ZKSCAN1: variants seen among roughly 807,000 people sequenced by gnomAD.
The protein encoded by ZKSCAN1 is zinc finger with KRAB and SCAN domains 1.
Under a neutral mutation model 51.6 loss-of-function variants are expected in ZKSCAN1, and 14 were observed. The observed-to-expected ratio is 0.27, with a 90% CI of 0.18 to 0.42. ZKSCAN1 has a LOEUF of 0.42. Among genes scored for constraint, ZKSCAN1 ranks in the 10% least tolerant of loss-of-function variants. The pLI, the probability that ZKSCAN1 is intolerant of heterozygous loss-of-function variation, is 1.00. For synonymous variants in ZKSCAN1, 263 were observed against 261.5 expected (o/e 1.01, Z -0.06); for missense variants, 531 against 710.0 (o/e 0.75, Z 2.86).
In ZKSCAN1 at chr7:100,036,860, A is replaced by G; in HGVS notation, c.*2663A>G. On this transcript the variant is annotated 3_prime_UTR_variant, in exon 6 of 6. Coordinates refer to ENST00000324306, the MANE Select transcript of ZKSCAN1 (RefSeq NM_003439.4). ...TTTTTTTTTTCTTTCAGCCACAACT[A>G]TATGCTGATATAACTCAGCCATCAC... The G allele has an allele frequency of 1.0e-6, 1 of 983,676 alleles. No individual in the cohort carries two copies. The highest frequency in any genetic ancestry group is 1.2e-6 in the Non-Finnish European group (1 of 829,704). 60.9% of individuals were successfully genotyped at this position (983,676 alleles called of 1,614,324 possible).
chr7:100,021,472 T>C (rs1428696458), intron 1 of ZKSCAN1, among the ~76,000 whole-genome samples: 1 of 152,146 alleles, frequency 6.6e-6, no homozygotes, highest in Non-Finnish European at 1.5e-5. Context: ...TCCTGGATAC[T>C]TGACATCATT....
Position 100,034,003 on chromosome 7 carries a change from C to G in ZKSCAN1, c.1498C>G (p.Arg500Gly). The change falls in exon 6 of 6, where the codon CGA becomes GGA. Residue 500 changes from arginine (R) to glycine (G), a missense_variant. Arg to Gly is a moderately radical substitution (Grantham distance 125). Around this residue, in one of 2 missense-constraint regions of ZKSCAN1, gnomAD observed 128 missense variants for 219.5 expected, o/e 0.58. Coordinates refer to ENST00000324306, the MANE Select transcript of ZKSCAN1 (RefSeq NM_003439.4). ...ECSECGKAFNRNSYLILHRRI... is the reference protein window; with the variant it reads ...ECSECGKAFNGNSYLILHRRI... Reference sequence around the variant, plus strand: ...TAGTGAATGTGGAAAAGCTTTCAACCGAAACTCATACCTGATTTTGCATCG... The same window carrying G: ...TAGTGAATGTGGAAAAGCTTTCAACGGAAACTCATACCTGATTTTGCATCG... The G allele has an allele frequency of 6.2e-7, 1 of 1,614,142 alleles. No homozygotes were observed. Among genetic ancestry groups the G allele is most frequent in the Non-Finnish European group, 8.5e-7 (1 of 1,180,026 alleles).
At position 100,034,354 on chromosome 7, in the gene ZKSCAN1, T is replaced by TTATG. The variant is rs1314133753; in HGVS notation, c.*160_*163dup. On this transcript the variant is annotated 3_prime_UTR_variant, in exon 6 of 6. Coordinates refer to ENST00000324306, the MANE Select transcript of ZKSCAN1 (RefSeq NM_003439.4). Reference sequence around the variant, plus strand: ...TAGTCACATCAGCAGTGTTCTGCCTTTATGTAGTAGTTGGGCATATAATCC... The same window carrying TTATG: ...TAGTCACATCAGCAGTGTTCTGCCTTTATGTATGTAGTAGTTGGGCATATAATCC... 2.2e-6 allele frequency: 3 copies of TTATG among 1,394,198 alleles called. No homozygotes were observed. Among genetic ancestry groups the TTATG allele is most frequent in the Non-Finnish European group, 2.8e-6 (3 of 1,082,880 alleles). The allele number at this position is 1,394,198 out of a possible 1,614,324, so 86.4% of individuals were successfully genotyped here.
rs912224847 is a variant in ZKSCAN1 at position 100,038,143 on chromosome 7, C to T, written c.*3946C>T. The T allele has an allele frequency of 8.1e-6, 8 of 985,172 alleles. No individual in the cohort carries two copies. Among genetic ancestry groups the T allele is most frequent in the African/African-American group, 1.7e-5 (1 of 57,184 alleles). 61.0% of individuals were successfully genotyped at this position (985,172 alleles called of 1,614,324 possible). A position where few individuals can be genotyped will look rare whatever the true frequency, so the allele number is the denominator to read the frequency against. On this transcript the variant is annotated 3_prime_UTR_variant, in exon 6 of 6. Transcript: ENST00000324306. ...TGCAACTTCTTACAAAAATTGTTAA[C>T]GTTAGGTACTTCTATATATTTTATA... is the stretch of plus-strand genomic sequence containing the variant.
chr7:100,021,023 T>G (rs944344657), intron 1 of ZKSCAN1, among the ~76,000 whole-genome samples: 1 of 152,176 alleles, frequency 6.6e-6, no homozygotes, highest in Non-Finnish European at 1.5e-5. Context: ...CATTTTATAT[T>G]TTTAACAAAT....
In ZKSCAN1 at chr7:100,040,330, A is replaced by G. The variant is rs777132056; in HGVS notation, c.*6133A>G. On this transcript the variant is annotated 3_prime_UTR_variant, in exon 6 of 6. Coordinates refer to ENST00000324306, the MANE Select transcript of ZKSCAN1 (RefSeq NM_003439.4). ...AGACTTCTAAATCATGGTCTCTGACAATTTGAATCTGAGATTCTCACCTCC... is the reference window on the plus strand; with the variant it reads ...AGACTTCTAAATCATGGTCTCTGACGATTTGAATCTGAGATTCTCACCTCC... 1.2e-3 allele frequency: 1,229 copies of G among 985,350 alleles called. No homozygotes were observed. The highest frequency in any genetic ancestry group is 1.4e-3 in the Non-Finnish European group (1,187 of 829,958). The allele number at this position is 985,350 out of a possible 1,614,324, so 61.0% of individuals were successfully genotyped here.
At position 100,034,143 on chromosome 7, in the gene ZKSCAN1, G is replaced by A. The variant is rs1462124218; in HGVS notation, c.1638G>A (p.Glu546=). ...HRIHARERAS[E]YSPASLDAFG... ...TCCATGCCAGAGAGAGAGCCTCTGAGTACAGCCCAGCCTCCCTTGATGCAT... is the reference window on the plus strand; with the variant it reads ...TCCATGCCAGAGAGAGAGCCTCTGAATACAGCCCAGCCTCCCTTGATGCAT... The change falls in exon 6 of 6, where the codon GAG becomes GAA. Residue 546 remains glutamate, a synonymous_variant. Transcript: ENST00000324306. The A allele has an allele frequency of 6.4e-7, 1 of 1,571,660 alleles. No individual in the cohort carries two copies. The highest frequency in any genetic ancestry group is 1.2e-5 in the South Asian group (1 of 85,450).
In ZKSCAN1 at chr7:100,034,838, G is replaced by C. The variant is rs1455168964; in HGVS notation, c.*641G>C. ...CACCAGTCTACAGTTCCAAAGGACT[G>C]CAACAAATGTAGATGGTTCTGTCCT... On this transcript the variant is annotated 3_prime_UTR_variant, in exon 6 of 6. Transcript: ENST00000324306. 1 of 153,050 alleles carries C rather than the reference G, an allele frequency of 6.5e-6. No individual in the cohort carries two copies. Among genetic ancestry groups the C allele is most frequent in the African/African-American group, 2.4e-5 (1 of 41,438 alleles). The allele number at this position is 153,050 out of a possible 1,614,324, so 9.5% of individuals were successfully genotyped here. A position where few individuals can be genotyped will look rare whatever the true frequency, so the allele number is the denominator to read the frequency against.
chr7:100,042,737 C>CGTGTGTGTGTGTGTGTGTGT (rs34820993), downstream of ZKSCAN1, among the ~76,000 whole-genome samples: 1 of 144,692 alleles, frequency 6.9e-6, no homozygotes, highest in African/African-American at 2.6e-5. Flanking sequence ...TATAGATACA[C>CGTGTGTGTGTGTGTGTGTGT]GTGTGTGTGT....
chr7:100,020,850 T>G (rs1207433017), intron 1 of ZKSCAN1, among the ~76,000 whole-genome samples: 6 of 152,320 alleles, frequency 3.9e-5, no homozygotes, highest in Middle Eastern at 3.4e-3. Flanking sequence ...TTTTGATGGC[T>G]GTAGAGGTGA....
In ZKSCAN1 at chr7:100,024,436, A is replaced by T. The variant is rs1790729343; in HGVS notation, c.580+129A>T. ...TAGCGAGACCCCATCTCTACAAAAA[A>T]TAGAAAAATTAGCCAGGTATAGTGG... On this transcript the variant is annotated intron_variant, in intron 3 of 5. Coordinates refer to ENST00000324306, the MANE Select transcript of ZKSCAN1 (RefSeq NM_003439.4). 3 of 1,246,584 alleles carry T rather than the reference A, an allele frequency of 2.4e-6. No homozygotes were observed. In the Admixed American group the frequency reaches 8.2e-5, roughly 34 times the overall value. The allele number at this position is 1,246,584 out of a possible 1,614,324, so 77.2% of individuals were successfully genotyped here.
Position 100,041,365 on chromosome 7 carries a change from C to T in ZKSCAN1, c.*7168C>T. ...TGTGTTCATTTAAAATCCTCCTTAA[C>T]ATTTCTAGAAAGACTTCTTTCAATA... On this transcript the variant is annotated 3_prime_UTR_variant, in exon 6 of 6. Coordinates refer to ENST00000324306, the MANE Select transcript of ZKSCAN1 (RefSeq NM_003439.4). 2 of 984,964 alleles carry T rather than the reference C, an allele frequency of 2.0e-6. No homozygotes were observed. Among genetic ancestry groups the T allele is most frequent in the Non-Finnish European group, 1.2e-6 (1 of 829,626 alleles). The allele number at this position is 984,964 out of a possible 1,614,324, so 61.0% of individuals were successfully genotyped here. A position where few individuals can be genotyped will look rare whatever the true frequency, so the allele number is the denominator to read the frequency against.
In ZKSCAN1 at chr7:100,039,185, G is replaced by A. The variant is rs1354057338; in HGVS notation, c.*4988G>A. The stretch of plus-strand genomic sequence containing the variant: ...AAATTAGCCGGGCGTGGTGGTGGGC[G>A]CCTGTAGTCCCAGCTACTCAGGAGG... On this transcript the variant is annotated 3_prime_UTR_variant, in exon 6 of 6. Coordinates refer to ENST00000324306, the MANE Select transcript of ZKSCAN1 (RefSeq NM_003439.4). 6.3e-5 allele frequency: 21 copies of A among 334,968 alleles called. No individual in the cohort carries two copies. The highest frequency in any genetic ancestry group is 8.9e-5 in the Non-Finnish European group (21 of 236,628). The allele number at this position is 334,968 out of a possible 1,614,324, so 20.7% of individuals were successfully genotyped here.
intron 3 of ZKSCAN1, among the ~76,000 whole-genome samples, chr7:100,025,424 C>T (rs780396164): frequency 5.3e-5 from 8 of 150,732 alleles, no homozygotes; most frequent in Admixed American, 1.3e-4. Context: ...TTGAGGAACA[C>T]GAAAAAAGAT....
At chr7:100,024,608 A>G (rs1319793482) in intron 3 of ZKSCAN1, 1 of 300,262 alleles carries the variant, frequency 3.3e-6, no homozygotes, top group African/African-American at 2.2e-5. Context: ...CTACTTACAG[A>G]AAAGAATTAG....
Position 100,033,242 on chromosome 7 carries a change from C to T in ZKSCAN1, c.800-63C>T, listed in dbSNP as rs1417012854. On this transcript the variant is annotated intron_variant, in intron 5 of 5. Transcript: ENST00000324306. This position sits in a 1 kb window ranked among gnomAD's most constrained non-coding sequence, Gnocchi z 4.1. The stretch of plus-strand genomic sequence containing the variant: ...GTAGAAGCTTCTCGGGAAACTGTCG[C>T]TTGACCCACCTGTATATTCAAAAGA... The T allele has an allele frequency of 2.0e-6, 3 of 1,499,856 alleles. 1 individual carries two copies. The African/African-American group carries it at 4.2e-5, about 21-fold the overall frequency. The allele number at this position is 1,499,856 out of a possible 1,614,324, so 92.9% of individuals were successfully genotyped here.
chr7:100,040,479 A>G lies in ZKSCAN1; in HGVS notation c.*6282A>G, dbSNP rs1791547923. On this transcript the variant is annotated 3_prime_UTR_variant, in exon 6 of 6. Transcript: ENST00000324306. ...AAGGAGTGAGGCTGAGTATTTTAAG[A>G]TAGAGTGAGATCTGTGAGTGATTGA... 1 of 985,348 alleles carries G rather than the reference A, an allele frequency of 1.0e-6. No individual in the cohort carries two copies. Among genetic ancestry groups the G allele is most frequent in the Non-Finnish European group, 1.2e-6 (1 of 829,952 alleles). The allele number at this position is 985,348 out of a possible 1,614,324, so 61.0% of individuals were successfully genotyped here.
intron 3 of ZKSCAN1, chr7:100,025,082 G>A (rs75974041): frequency 3.3e-5 from 5 of 151,786 alleles, no homozygotes; most frequent in Admixed American, 6.6e-5. Context: ...TGAACTATGC[G>A]TAATGAACCT....
Position 100,040,472 on chromosome 7 carries a change from T to G in ZKSCAN1, c.*6275T>G. The G allele has an allele frequency of 1.0e-6, 1 of 985,482 alleles. No individual in the cohort carries two copies. Among genetic ancestry groups the G allele is most frequent in the Non-Finnish European group, 1.2e-6 (1 of 829,940 alleles). 61.0% of individuals were successfully genotyped at this position (985,482 alleles called of 1,614,324 possible). A position where few individuals can be genotyped will look rare whatever the true frequency, so the allele number is the denominator to read the frequency against. The stretch of plus-strand genomic sequence containing the variant: ...ACTCATTAAGGAGTGAGGCTGAGTA[T>G]TTTAAGATAGAGTGAGATCTGTGAG... On this transcript the variant is annotated 3_prime_UTR_variant, in exon 6 of 6. Coordinates refer to ENST00000324306, the MANE Select transcript of ZKSCAN1 (RefSeq NM_003439.4).
Sources: gnomAD v4.1 joint callset for allele counts (sites outside exome capture counted in the v4.1 genomes callset) on GRCh38, gnomAD v4.1.1 for gene constraint, gnomAD v4.1.1 regional missense constraint, Gnocchi (gnomAD v3.1) non-coding constraint, MANE v1.5 for transcripts, NCBI Gene and HGNC (gene_info 2026-07-23, HGNC 2026-07-21) for gene names.